SFMBT2: variants seen among roughly 807,000 people sequenced by gnomAD.
SFMBT2 encodes scm-like with four MBT domains protein 2.
A neutral mutation model predicts 110.1 loss-of-function variants in SFMBT2; 38 were observed. That is an observed-to-expected ratio of 0.35 (90% CI 0.27 to 0.45). The LOEUF (loss-of-function observed/expected upper bound fraction) is 0.45, where lower values mean the gene tolerates loss of function less well. Among genes scored for constraint, SFMBT2 ranks in the 20% least tolerant of loss-of-function variants. The pLI is 1.00. For missense variants in SFMBT2, 1,011 were observed against 1,094.9 expected (o/e 0.92, Z 1.08); for synonymous variants, 425 against 425.4 (o/e 1.00, Z 0.01).
At chr10:7,210,039 C>T (rs1839286113) in intron 11 of SFMBT2, among the ~76,000 whole-genome samples, 1 of 152,208 alleles carries the variant, frequency 6.6e-6, no homozygotes, top group Admixed American at 6.5e-5. Flanking sequence ...CAAAGACTTT[C>T]CGTACTCACA....
chr10:7,172,052 G>T lies in SFMBT2; in HGVS notation c.2258C>A (p.Pro753His). Residue 753 changes from proline to histidine, a missense_variant, in exon 19 of 21, where the codon CCC (proline) becomes CAC (histidine). By Grantham distance (77) the Pro-to-His change is moderately conservative (BLOSUM62 -2). Around this residue, in one of 2 missense-constraint regions of SFMBT2, gnomAD observed 979 missense variants for 1,016.1 expected, o/e 0.96. Coordinates refer to ENST00000397167, the MANE Select transcript of SFMBT2 (RefSeq NM_001387889.1). The surrounding 1 kb of genome is among the most constrained non-coding windows in gnomAD (Gnocchi z 4.6). ...DQTDTSSAEVPSARPRRAVTL... is the reference protein window; with the variant it reads ...DQTDTSSAEVHSARPRRAVTL... ...GACGGCCCTCCGGGGCCGGGCCGAG[G>T]GCACCTCCGCCGACGAGGTGTCCGT... 2 of 1,598,030 alleles carry T rather than the reference G, an allele frequency of 1.3e-6. No homozygotes were observed. Among genetic ancestry groups the T allele is most frequent in the East Asian group, 2.3e-5 (1 of 44,164 alleles).
chr10:7,296,544 T>A (rs541158967), intron 4 of SFMBT2, among the ~76,000 whole-genome samples: 25 of 152,250 alleles, frequency 1.6e-4, no homozygotes, highest in Non-Finnish European at 3.4e-4. Flanking sequence ...TTTTTCCCAA[T>A]ATTCCCGTTA....
In SFMBT2 at chr10:7,276,617, C is replaced by T. The variant is rs1449542871; in HGVS notation, c.870+275G>A. On this transcript the variant is annotated intron_variant, in intron 7 of 20. Coordinates refer to ENST00000397167, the MANE Select transcript of SFMBT2 (RefSeq NM_001387889.1). Reference sequence around the variant, plus strand: ...GATCTCAGCTCACTGTAACTTCTGCCTCCCCAGTTCAAGCAATTCTCCTAC... The same window carrying T: ...GATCTCAGCTCACTGTAACTTCTGCTTCCCCAGTTCAAGCAATTCTCCTAC... Among the ~76,000 whole-genome samples, 6 of 152,250 alleles carry T rather than the reference C, an allele frequency of 3.9e-5. No individual in the cohort carries two copies. The East Asian group carries it at 5.8e-4, about 15-fold the overall frequency.
Position 7,350,554 on chromosome 10 carries a change from A to G in SFMBT2, c.436+17095T>C, listed in dbSNP as rs779696476. On this transcript the variant is annotated intron_variant, in intron 4 of 20. Coordinates refer to ENST00000397167, the MANE Select transcript of SFMBT2 (RefSeq NM_001387889.1). ...TGAACTGGCCACGACAGCTCGCTAC[A>G]TCTTGAAATACAAATATGTTTAATT... Among the ~76,000 whole-genome samples, 172 of 152,268 alleles carry G rather than the reference A, an allele frequency of 1.1e-3. 2 individuals are homozygous for G. The highest frequency in any genetic ancestry group is 2.0e-3 in the Non-Finnish European group (139 of 68,024).
At chr10:7,392,121 C>T (rs573005826) in intron 1 of SFMBT2, among the ~76,000 whole-genome samples, 27 of 152,214 alleles carry the variant, frequency 1.8e-4, no homozygotes, top group African/African-American at 6.5e-4. Flanking sequence ...GGCTCATGAC[C>T]CCCCTGAAAA....
chr10:7,175,597 A>G (rs1564367424), intron 17 of SFMBT2, among the ~76,000 whole-genome samples: 1 of 152,230 alleles, frequency 6.6e-6, no homozygotes, highest in Non-Finnish European at 1.5e-5. Flanking sequence ...CAATGAAAGC[A>G]TCATTACACT....
At chr10:7,371,920 A>ATTTTTTTTTTTTTTTTTTTTTTTTTTTTT (rs762872004) in intron 2 of SFMBT2, among the ~76,000 whole-genome samples, 2 of 77,734 alleles carry the variant, frequency 2.6e-5, no homozygotes, top group African/African-American at 1.0e-4. Context: ...TCCACCTGTA[A>ATTTTTTTTTTTTTTTTTTTTTTTTTTTTT]TTTTTTTTTT....
rs1588420066 is a variant in SFMBT2, at chr10:7,287,851, AC to A, written c.437-1898del. ...GGGATCCACCATCACTGGATGCATG[AC>A]TTTGAATAATTTACTCAATTTCTCT... is the stretch of plus-strand genomic sequence containing the variant. On this transcript the variant is annotated intron_variant, in intron 4 of 20. Coordinates refer to ENST00000397167, the MANE Select transcript of SFMBT2 (RefSeq NM_001387889.1). 2.0e-5 allele frequency among the ~76,000 whole-genome samples: 3 copies of A among 152,312 alleles called. No homozygotes were observed. The East Asian group carries it at 5.8e-4, about 29-fold the overall frequency.
At chr10:7,269,801 T>G (rs1841522409) in intron 7 of SFMBT2, among the ~76,000 whole-genome samples, 3 of 145,598 alleles carry the variant, frequency 2.1e-5, no homozygotes, top group African/African-American at 7.6e-5. Flanking sequence ...TTGCTAGAAC[T>G]TCTAAAAACT....
intron 1 of SFMBT2, among the ~76,000 whole-genome samples, chr10:7,384,682 A>T (rs4083552): frequency 6.6e-6 from 1 of 152,144 alleles, no homozygotes; most frequent in African/African-American, 2.4e-5. Context: ...AACGGAGGAC[A>T]TTGGTAAACT....
chr10:7,212,064 C>G (rs549053757), intron 11 of SFMBT2, among the ~76,000 whole-genome samples: 6 of 152,176 alleles, frequency 3.9e-5, no homozygotes, highest in African/African-American at 4.8e-5. Flanking sequence ...GGAGACTTTG[C>G]AAATGCAGAT....
At chr10:7,234,132 A>G (rs759784031) in intron 9 of SFMBT2, among the ~76,000 whole-genome samples, 3 of 152,210 alleles carry the variant, frequency 2.0e-5, no homozygotes, top group Non-Finnish European at 4.4e-5. Flanking sequence ...CTTCCTTGAT[A>G]CTGGTCTTTA....
chr10:7,181,597 G>A (rs920496791), intron 16 of SFMBT2, among the ~76,000 whole-genome samples: 2 of 152,172 alleles, frequency 1.3e-5, no homozygotes, highest in Non-Finnish European at 2.9e-5. Flanking sequence ...ACTATACCAA[G>A]CTGACTCTAC....
At chr10:7,287,417 G>A (rs1336180734) in intron 4 of SFMBT2, 2 of 244,052 alleles carry the variant, frequency 8.2e-6, no homozygotes, top group African/African-American at 2.3e-5. Flanking sequence ...ACTGTGGAGG[G>A]CAACATTCTA....
chr10:7,265,331 A>G (rs1170611915), intron 7 of SFMBT2, among the ~76,000 whole-genome samples: 3 of 151,936 alleles, frequency 2.0e-5, no homozygotes, highest in Non-Finnish European at 2.9e-5. Flanking sequence ...CCTCCCATGT[A>G]GCTGGGATAA....
intron 1 of SFMBT2, among the ~76,000 whole-genome samples, chr10:7,397,920 A>G (rs908617619): frequency 2.0e-5 from 3 of 152,196 alleles, no homozygotes; most frequent in Admixed American, 1.3e-4. Context: ...GCCTCATCCC[A>G]TCATCAAGTG....
intron 16 of SFMBT2, among the ~76,000 whole-genome samples, chr10:7,178,259 T>C (rs1838138092): frequency 6.6e-6 from 1 of 152,132 alleles, no homozygotes; most frequent in Admixed American, 6.5e-5. Context: ...TTCTAAGGTT[T>C]CTCTGAGGTC....
chr10:7,203,766 A>G, intron 12 of SFMBT2: 1 of 578,600 alleles, frequency 1.7e-6, no homozygotes, highest in Non-Finnish European at 2.2e-6. Context: ...CCCAGGCTGG[A>G]GTGCAGTGGC....
intron 9 of SFMBT2, among the ~76,000 whole-genome samples, chr10:7,230,597 A>C (rs1006858668): frequency 3.9e-5 from 6 of 152,148 alleles, no homozygotes; most frequent in Admixed American, 2.0e-4. Flanking sequence ...AGTAGATTAA[A>C]TCTTCTGTGC....
Sources: allele counts gnomAD v4.1 joint callset (sites outside exome capture counted in the v4.1 genomes callset), GRCh38; gene constraint gnomAD v4.1.1; regional missense constraint gnomAD v4.1.1; non-coding constraint Gnocchi (gnomAD v3.1); transcripts MANE v1.5; gene names NCBI Gene and HGNC (gene_info 2026-07-23, HGNC 2026-07-21).